PEMT: variants seen among roughly 807,000 people sequenced by gnomAD.
PEMT encodes phospholipid methyltransferase.
In PEMT, 23 loss-of-function variants were observed where a neutral mutation model predicts 27.4. That is an observed-to-expected ratio of 0.84 (90% CI 0.60 to 1.19). The LOEUF is 1.19. PEMT is among the 50% of genes most tolerant of loss of function. The pLI is 0.00. For missense variants in PEMT, 307 were observed against 310.1 expected (o/e 0.99, Z 0.07); for synonymous variants, 137 against 139.1 (o/e 0.98, Z 0.11).
chr17:17,507,236 G>A (rs918002217), intron 5 of PEMT: 34 of 1,498,564 alleles, frequency 2.3e-5, no homozygotes, highest in Non-Finnish European at 3.1e-5. Context: ...GAGGAAGAGA[G>A]GAAGGAGAGG....
intron 1 of PEMT, among the ~76,000 whole-genome samples, chr17:17,591,078 C>A (rs1312483594): frequency 6.6e-6 from 1 of 152,212 alleles, no homozygotes; most frequent in Non-Finnish European, 1.5e-5. Flanking sequence ...GCAGGGGCCA[C>A]ACAACACACT....
chr17:17,544,332 G>A (rs1909097963), intron 2 of PEMT, among the ~76,000 whole-genome samples: 1 of 151,028 alleles, frequency 6.6e-6, no homozygotes, highest in Non-Finnish European at 1.5e-5. Flanking sequence ...CCAGGCTGGA[G>A]TGCAATGGTG....
chr17:17,571,747 C>T (rs1160877795), intron 2 of PEMT, among the ~76,000 whole-genome samples: 1 of 151,782 alleles, frequency 6.6e-6, no homozygotes, highest in East Asian at 1.9e-4. Flanking sequence ...CTCACTCTGC[C>T]ACCCAAACTG....
In PEMT at chr17:17,506,211, C is replaced by T. The variant is rs1035215082; in HGVS notation, c.653+16G>A. ...GTCGGGCAGCCACGCCCCCACCCGCCGCAGCCCCTACTCACTCTTCGTATA... is the reference window on the plus strand; with the variant it reads ...GTCGGGCAGCCACGCCCCCACCCGCTGCAGCCCCTACTCACTCTTCGTATA... On this transcript the variant is annotated intron_variant, in intron 6 of 6. Coordinates refer to ENST00000255389, the MANE Select transcript of PEMT (RefSeq NM_148172.3). 4.0e-5 allele frequency: 61 copies of T among 1,542,308 alleles called. No individual in the cohort carries two copies. Among genetic ancestry groups the T allele is most frequent in the East Asian group, 4.8e-5 (2 of 41,634 alleles).
chr17:17,536,302 A>G (rs1053003695), intron 2 of PEMT, among the ~76,000 whole-genome samples: 1 of 152,222 alleles, frequency 6.6e-6, no homozygotes, highest in African/African-American at 2.4e-5. Context: ...GTCTGGCTTC[A>G]GTTATGACCC....
At chr17:17,538,857 T>C (rs1358288149) in intron 2 of PEMT, among the ~76,000 whole-genome samples, 1 of 152,102 alleles carries the variant, frequency 6.6e-6, no homozygotes, top group Non-Finnish European at 1.5e-5. Flanking sequence ...AATTTGAAAA[T>C]ATTTGGCGAG....
intron 2 of PEMT, among the ~76,000 whole-genome samples, chr17:17,567,628 C>T (rs2142715256): frequency 6.6e-6 from 1 of 152,394 alleles, no homozygotes; most frequent in South Asian, 2.1e-4. Context: ...GGAGCTGAAG[C>T]TAGACCTGCC....
chr17:17,553,170 C>T lies in PEMT; in HGVS notation c.204+23750G>A, dbSNP rs77549994. ...GGCCAGGAAGAAGTTAATGTCACTG[C>T]CTTCCTCTATTCAGGCCCCAAAGTT... is the stretch of plus-strand genomic sequence containing the variant. On this transcript the variant is annotated intron_variant, in intron 2 of 6. Transcript: ENST00000255389. Among the ~76,000 whole-genome samples, 1,149 of 152,324 alleles carry T rather than the reference C, an allele frequency of 7.5e-3. 10 individuals are homozygous for T. Among genetic ancestry groups the T allele is most frequent in the African/African-American group, 0.026 (1,095 of 41,570 alleles).
At position 17,577,881 on chromosome 17, in the gene PEMT, G is replaced by T. The variant is rs569788326; in HGVS notation, c.97-854C>A. Among the ~76,000 whole-genome samples, 11 of 152,056 alleles carry T rather than the reference G, an allele frequency of 7.2e-5. No homozygotes were observed. The South Asian group carries it at 2.3e-3, about 32-fold the overall frequency. ...AAATACAAAAAATTAGCCGGGCATG[G>T]TGGCGGGCGCCTGTAGTCCCAGCTA... On this transcript the variant is annotated intron_variant, in intron 1 of 6. Coordinates refer to ENST00000255389, the MANE Select transcript of PEMT (RefSeq NM_148172.3).
At chr17:17,550,294 G>A (rs532437252) in intron 2 of PEMT, among the ~76,000 whole-genome samples, 12 of 152,304 alleles carry the variant, frequency 7.9e-5, no homozygotes, top group South Asian at 4.1e-4. Flanking sequence ...GCTGCCGCTC[G>A]GTTTCTCTGG....
rs1186025919 is a variant in PEMT, at chr17:17,571,710, G to GTT, written c.204+5209_204+5210insAA. On this transcript the variant is annotated intron_variant, in intron 2 of 6. Transcript: ENST00000255389. ...CTCACACACAGTCTGTTTTGTTTTG[G>GTT]GTTTTTTTTTTTTTCTGATACAGGG... Among the ~76,000 whole-genome samples, 6 of 106,946 alleles carry GTT rather than the reference G, an allele frequency of 5.6e-5. No individual in the cohort carries two copies. The East Asian group carries it at 1.1e-3, about 19-fold the overall frequency. 70.2% of individuals were successfully genotyped at this position (106,946 alleles called of 152,430 possible).
At chr17:17,528,946 T>C (rs925285845) in intron 2 of PEMT, among the ~76,000 whole-genome samples, 1 of 152,216 alleles carries the variant, frequency 6.6e-6, no homozygotes, top group Non-Finnish European at 1.5e-5. Flanking sequence ...GTCACTGTGA[T>C]ACCGTCACAT....
At chr17:17,547,657 C>CTCA (rs1909353220) in intron 2 of PEMT, among the ~76,000 whole-genome samples, 1 of 150,812 alleles carries the variant, frequency 6.6e-6, no homozygotes, top group Non-Finnish European at 1.5e-5. Flanking sequence ...CCTCCTCTTC[C>CTCA]TCCTCCTCCT....
chr17:17,548,025 C>T (rs1667844261), intron 2 of PEMT, among the ~76,000 whole-genome samples: 1 of 152,244 alleles, frequency 6.6e-6, no homozygotes, highest in Admixed American at 6.5e-5. Context: ...TGATGGCAGC[C>T]ACTCTGCTGC....
Position 17,522,325 on chromosome 17 carries a change from G to C in PEMT, c.275C>G (p.Ser92Cys), listed in dbSNP as rs114310588. The change falls in exon 3 of 7, where the codon TCT becomes TGT. Residue 92 changes from serine to cysteine, a missense_variant. Coordinates refer to ENST00000255389, the MANE Select transcript of PEMT (RefSeq NM_148172.3). ...CAGGAGCAGGATGGTGACGCTTAGAGAGTAGCAGGCCAGGTAGGGGGATCC... is the reference window on the plus strand; with the variant it reads ...CAGGAGCAGGATGGTGACGCTTAGACAGTAGCAGGCCAGGTAGGGGGATCC... ...AFGSPYLACY[S>C]LSVTILLLNF... 1.1e-4 allele frequency: 175 copies of C among 1,614,034 alleles called. No homozygotes were observed. The African/African-American group carries it at 1.5e-3, about 14-fold the overall frequency.
intron 2 of PEMT, among the ~76,000 whole-genome samples, chr17:17,529,106 G>A (rs1436506968): frequency 6.6e-6 from 1 of 152,218 alleles, no homozygotes; most frequent in African/African-American, 2.4e-5. Context: ...TGCCAGCTAG[G>A]CAGGCCCTGG....
At chr17:17,547,654 T>TTCCTCC (rs554459182) in intron 2 of PEMT, among the ~76,000 whole-genome samples, 3 of 151,480 alleles carry the variant, frequency 2.0e-5, no homozygotes, top group African/African-American at 7.3e-5. Flanking sequence ...CTCCCTCCTC[T>TTCCTCC]TCCTCCTCCT....
At chr17:17,584,733 C>A (rs1912150888) in intron 1 of PEMT, among the ~76,000 whole-genome samples, 1 of 152,246 alleles carries the variant, frequency 6.6e-6, no homozygotes, top group Non-Finnish European at 1.5e-5. Context: ...AGCCAACCTT[C>A]ACTCGGAAGT....
intron 2 of PEMT, among the ~76,000 whole-genome samples, chr17:17,559,699 C>G (rs1221123008): frequency 6.6e-6 from 1 of 152,202 alleles, no homozygotes; most frequent in African/African-American, 2.4e-5. Context: ...CCAGGATTCC[C>G]AGGAAACCCT....
Sources: gnomAD v4.1 joint callset for allele counts (sites outside exome capture counted in the v4.1 genomes callset) on GRCh38, gnomAD v4.1.1 for gene constraint, MANE v1.5 for transcripts, NCBI Gene and HGNC (gene_info 2026-07-23, HGNC 2026-07-21) for gene names.